Variants in CRIM1 observed in about 807,000 individuals in gnomAD.
CRIM1 encodes cysteine rich transmembrane BMP regulator 1, also known as cysteine-rich motor neuron 1 protein.
Under a neutral mutation model 116.4 loss-of-function variants are expected in CRIM1, and 32 were observed. The observed-to-expected ratio is 0.27, with a 90% confidence interval of 0.21 to 0.37. The LOEUF (loss-of-function observed/expected upper bound fraction) is 0.37, where lower values mean the gene tolerates loss of function less well. Ranked by LOEUF, CRIM1 falls within the 10% of genes least tolerant of loss-of-function variation. The pLI, the probability that CRIM1 is intolerant of heterozygous loss-of-function variation, is 1.00. For missense variants in CRIM1, 1,331 were observed against 1,354.8 expected, an observed-to-expected ratio of 0.98 and a Z score of 0.28; for synonymous variants, 590 against 509.2, an observed-to-expected ratio of 1.16 and a Z score of -2.13.
rs9295 is a variant in CRIM1, at chr2:36,550,682, G to C, written c.*1981G>C. 6.6e-6 allele frequency: 1 copy of C among 152,036 alleles called. No individual in the cohort carries two copies. The highest frequency in any genetic ancestry group is 2.4e-5 in the African/African-American group (1 of 41,260). The allele number at this position is 152,036 out of a possible 1,614,324, so 9.4% of individuals were successfully genotyped here. On this transcript the variant is annotated 3_prime_UTR_variant, in exon 17 of 17. Transcript: ENST00000280527. Reference sequence around the variant, plus strand: ...AGGAAAAAAAGATTTATTATCAAGGGGCAATATTTTTATCTTTTCCAAAAT... The same window carrying C: ...AGGAAAAAAAGATTTATTATCAAGGCGCAATATTTTTATCTTTTCCAAAAT...
chr2:36,507,265 A>G (rs1005840961), intron 8 of CRIM1, among the ~76,000 whole-genome samples: 5 of 152,192 alleles, frequency 3.3e-5, no homozygotes, highest in African/African-American at 1.2e-4. Context: ...AATGTTGTCT[A>G]TTTCTGAACT....
chr2:36,496,099 A>C (rs1429691824), intron 7 of CRIM1, among the ~76,000 whole-genome samples: 1 of 152,194 alleles, frequency 6.6e-6, no homozygotes, highest in Non-Finnish European at 1.5e-5. Flanking sequence ...CCAATTACAT[A>C]GGGTATTAGC....
At chr2:36,463,752 G>C (rs184034635) in intron 4 of CRIM1, among the ~76,000 whole-genome samples, 1 of 152,052 alleles carries the variant, frequency 6.6e-6, no homozygotes, top group African/African-American at 2.4e-5. Flanking sequence ...CAGCAGCATC[G>C]AAGTTAGGGG....
intron 13 of CRIM1, among the ~76,000 whole-genome samples, chr2:36,527,673 A>C (rs1448896106): frequency 2.6e-5 from 4 of 152,254 alleles, no homozygotes; most frequent in Non-Finnish European, 5.9e-5. Context: ...AGAGATATAT[A>C]GCATCTCTTT....
chr2:36,394,882 G>A (rs765593351), intron 1 of CRIM1, among the ~76,000 whole-genome samples: 8 of 151,920 alleles, frequency 5.3e-5, no homozygotes, highest in Non-Finnish European at 8.8e-5. Flanking sequence ...TTCTTGTAAC[G>A]ACCTCTTGAT....
At chr2:36,357,413 A>T (rs936501663) in intron 1 of CRIM1, among the ~76,000 whole-genome samples, 1 of 150,854 alleles carries the variant, frequency 6.6e-6, no homozygotes, top group Non-Finnish European at 1.5e-5. Context: ...GACAGCGGGG[A>T]TTGTTCTGCT....
At chr2:36,386,370 T>C (rs979279132) in intron 1 of CRIM1, among the ~76,000 whole-genome samples, 2 of 152,200 alleles carry the variant, frequency 1.3e-5, no homozygotes, top group Non-Finnish European at 2.9e-5. Context: ...GTCATAAATA[T>C]TGATTTGTGG....
chr2:36,466,254 A>G (rs1446596633), intron 5 of CRIM1, among the ~76,000 whole-genome samples: 1 of 151,974 alleles, frequency 6.6e-6, no homozygotes, highest in Non-Finnish European at 1.5e-5. Flanking sequence ...GGGATGGGGG[A>G]TAGAGATGGT....
chr2:36,431,542 G>A (rs947784336), intron 2 of CRIM1, among the ~76,000 whole-genome samples: 13 of 152,066 alleles, frequency 8.5e-5, no homozygotes, highest in Admixed American at 3.3e-4. Flanking sequence ...ACAATATTAC[G>A]ATAATACCCT....
At chr2:36,372,962 A>G (rs1022876662) in intron 1 of CRIM1, among the ~76,000 whole-genome samples, 4 of 152,184 alleles carry the variant, frequency 2.6e-5, no homozygotes, top group Non-Finnish European at 2.9e-5. Flanking sequence ...TGATTTTCCT[A>G]TAACTCGTTA....
At chr2:36,498,854 A>C (rs1030020908) in intron 7 of CRIM1, among the ~76,000 whole-genome samples, 2 of 152,238 alleles carry the variant, frequency 1.3e-5, no homozygotes, top group Non-Finnish European at 2.9e-5. Flanking sequence ...GATTATTATA[A>C]AAAATAAACC....
rs2148256347 is a variant in CRIM1, at chr2:36,356,071, T to A, written c.-222T>A. The A allele has an allele frequency of 6.5e-6, 1 of 154,076 alleles. No individual in the cohort carries two copies. The highest frequency in any genetic ancestry group is 2.4e-5 in the African/African-American group (1 of 41,250). 9.5% of individuals were successfully genotyped at this position (154,076 alleles called of 1,614,324 possible). A position where few individuals can be genotyped will look rare whatever the true frequency, so the allele number is the denominator to read the frequency against. On this transcript the variant is annotated 5_prime_UTR_variant, in exon 1 of 17. Coordinates refer to ENST00000280527, the MANE Select transcript of CRIM1 (RefSeq NM_016441.3). This position sits in a 1 kb window ranked among gnomAD's most constrained non-coding sequence, Gnocchi z 4.3. ...GAGGAGGAGGAGGAGGAGGGGAAGC[T>A]GCCGCCGGCGCCAAGGCTCGTGGGC... is the stretch of plus-strand genomic sequence containing the variant.
rs767336246 is a variant in CRIM1, at chr2:36,548,596, C to G, written c.3006C>G (p.Ser1002=). 3 of 1,612,240 alleles carry G rather than the reference C, an allele frequency of 1.9e-6. No homozygotes were observed. Among genetic ancestry groups the G allele is most frequent in the Non-Finnish European group, 2.5e-6 (3 of 1,179,312 alleles). ...GAACCAGAGTCCAGGTGGACAGTTC[C>G]CAGAGAATGCTAAGAATTGCAGAAC... ...KKGTRVQVDS[S]QRMLRIAEPD... Residue 1002 remains serine (S), a synonymous_variant, in exon 17 of 17, where the codon TCC becomes TCG. Coordinates refer to ENST00000280527, the MANE Select transcript of CRIM1 (RefSeq NM_016441.3).
chr2:36,357,416 G>C (rs1668923200), intron 1 of CRIM1, among the ~76,000 whole-genome samples: 1 of 152,112 alleles, frequency 6.6e-6, no homozygotes, highest in African/African-American at 2.4e-5. Flanking sequence ...AGCGGGGATT[G>C]TTCTGCTGGC....
At chr2:36,512,069 G>C (rs147223487) in intron 9 of CRIM1, among the ~76,000 whole-genome samples, 1 of 152,224 alleles carries the variant, frequency 6.6e-6, no homozygotes, top group Non-Finnish European at 1.5e-5. Flanking sequence ...GTAAGTGCTT[G>C]GGCAACTCTC....
chr2:36,363,232 G>C (rs954145651), intron 1 of CRIM1, among the ~76,000 whole-genome samples: 2 of 151,556 alleles, frequency 1.3e-5, no homozygotes, highest in East Asian at 1.9e-4. Flanking sequence ...CTTGGTTTCT[G>C]GGGTCAAATC....
intron 7 of CRIM1, among the ~76,000 whole-genome samples, chr2:36,482,069 A>G (rs1176016674): frequency 6.6e-6 from 1 of 152,202 alleles, no homozygotes; most frequent in Non-Finnish European, 1.5e-5. Flanking sequence ...AGGTCTGGGC[A>G]GCCCCCTCCA....
intron 9 of CRIM1, among the ~76,000 whole-genome samples, chr2:36,510,533 T>A (rs1664589500): frequency 6.6e-6 from 1 of 152,212 alleles, no homozygotes; most frequent in South Asian, 2.1e-4. Context: ...TAAGATCAAT[T>A]GAAGACCGAC....
intron 13 of CRIM1, among the ~76,000 whole-genome samples, chr2:36,531,465 C>A (rs1340658468): frequency 6.6e-6 from 1 of 151,428 alleles, no homozygotes; most frequent in Non-Finnish European, 1.5e-5. Context: ...CAGAGCAGGG[C>A]TGTGCCACCA....
Sources: allele counts gnomAD v4.1 joint callset (sites outside exome capture counted in the v4.1 genomes callset), GRCh38; gene constraint gnomAD v4.1.1; non-coding constraint Gnocchi (gnomAD v3.1); transcripts MANE v1.5; gene names NCBI Gene and HGNC (gene_info 2026-07-23, HGNC 2026-07-21).